DMD: variants seen among roughly 807,000 people sequenced by gnomAD.
DMD encodes mutant dystrophin.
In DMD, 63 loss-of-function variants were observed where a neutral mutation model predicts 330.1. The observed-to-expected ratio is 0.19, with a 90% CI of 0.16 to 0.24. The LOEUF (loss-of-function observed/expected upper bound fraction) is 0.24, where lower values mean the gene tolerates loss of function less well. Among genes scored for constraint, DMD ranks in the 10% least tolerant of loss-of-function variants. DMD has a pLI of 1.00. For missense variants in DMD, 3,344 were observed against 2,684.1 expected, an observed-to-expected ratio of 1.25 and a Z score of -5.43; for synonymous variants, 1,223 against 959.8, an observed-to-expected ratio of 1.27 and a Z score of -5.07.
intron 60 of DMD, among the ~76,000 whole-genome samples, chrX:31,429,316 G>T (rs1166167416): frequency 1.8e-5 from 2 of 111,424 alleles, no homozygotes; most frequent in African/African-American, 6.5e-5. Flanking sequence ...TCTTGCTTGG[G>T]TTCTTTCATG....
chrX:32,131,532 G>T (rs1268891989), intron 44 of DMD, among the ~76,000 whole-genome samples: 2 of 112,139 alleles, frequency 1.8e-5, no homozygotes, highest in African/African-American at 6.5e-5. Context: ...GACACATTGT[G>T]ATGGAGCTAG....
chrX:32,304,564 A>G (rs147914520), intron 42 of DMD, among the ~76,000 whole-genome samples: 1,242 of 111,327 alleles, frequency 0.011, 15 homozygotes, highest in African/African-American at 0.037. Flanking sequence ...TCTCTTCTCT[A>G]TAGTACAAAT....
intron 1 of DMD, among the ~76,000 whole-genome samples, chrX:33,330,223 T>A (rs768105754): frequency 7.6e-4 from 85 of 111,314 alleles, no homozygotes; most frequent in African/African-American, 2.7e-3. Context: ...TCAGAAAATA[T>A]CTTGTTTACC....
intron 18 of DMD, among the ~76,000 whole-genome samples, chrX:32,505,568 G>A (rs965776431): frequency 3.6e-5 from 4 of 112,106 alleles, no homozygotes; most frequent in African/African-American, 1.3e-4. Context: ...TGGTGGCAAT[G>A]CAAAATGGCA....
intron 50 of DMD, among the ~76,000 whole-genome samples, chrX:31,793,435 T>A (rs1432569752): frequency 9.0e-6 from 1 of 111,378 alleles, no homozygotes; most frequent in Non-Finnish European, 1.9e-5. Flanking sequence ...TGGGATTATT[T>A]CCTGATAAAC....
chrX:32,409,896 G>T (rs775868267), intron 30 of DMD, among the ~76,000 whole-genome samples: 3 of 111,283 alleles, frequency 2.7e-5, no homozygotes, highest in East Asian at 2.8e-4. Context: ...AAACCCTGCC[G>T]TGGTAGACAC....
chrX:33,094,571 C>T (rs1049091036), intron 1 of DMD, among the ~76,000 whole-genome samples: 18 of 111,411 alleles, frequency 1.6e-4, no homozygotes, highest in African/African-American at 5.5e-4. Flanking sequence ...CTTTGGGAGT[C>T]CATGGCAGGT....
rs138576901 is a variant in DMD, at chrX:32,869,854, G to A, written c.94-20034C>T. Among the ~76,000 whole-genome samples the A allele has an allele frequency of 7.8e-3, 845 of 107,851 alleles. 8 individuals are homozygous for A. The highest frequency in any genetic ancestry group is 0.028 in the African/African-American group (818 of 29,440). The allele number at this position is 107,851 out of a possible 115,157, so 93.7% of individuals were successfully genotyped here. On this transcript the variant is annotated intron_variant, in intron 2 of 78. Transcript: ENST00000357033. ...CCTACAGCCAATATCATACTAGATG[G>A]GCAAAAACTGGCTGTAGGTTTTGGT...
intron 9 of DMD, among the ~76,000 whole-genome samples, chrX:32,651,184 C>G (rs1330493321): frequency 9.1e-6 from 1 of 110,082 alleles, no homozygotes; most frequent in Non-Finnish European, 1.9e-5. Context: ...CTCTTCCTGC[C>G]CAGGCTGGAG....
chrX:32,772,079 G>A (rs910032113), intron 7 of DMD, among the ~76,000 whole-genome samples: 9 of 112,376 alleles, frequency 8.0e-5, no homozygotes, highest in African/African-American at 2.9e-4. Context: ...ATGCCTAACT[G>A]ATGAGGGCAT....
intron 44 of DMD, among the ~76,000 whole-genome samples, chrX:32,192,752 T>C (rs1022523987): frequency 8.9e-6 from 1 of 111,974 alleles, no homozygotes; most frequent in Non-Finnish European, 1.9e-5. Flanking sequence ...GCTTCTTTCA[T>C]ATTAATCAAC....
At chrX:32,979,219 C>G (rs2092637222) in intron 2 of DMD, among the ~76,000 whole-genome samples, 1 of 112,275 alleles carries the variant, frequency 8.9e-6, no homozygotes, top group Admixed American at 9.5e-5. Flanking sequence ...AAGAAACTCT[C>G]TTTGAACCTG....
intron 1 of DMD, among the ~76,000 whole-genome samples, chrX:33,144,519 G>T (rs1350232949): frequency 2.7e-5 from 3 of 111,734 alleles, no homozygotes; most frequent in Non-Finnish European, 5.7e-5. Flanking sequence ...TTGTATGCCT[G>T]TATCAAAATA....
intron 26 of DMD, among the ~76,000 whole-genome samples, chrX:32,454,040 T>C (rs2098344531): frequency 9.0e-6 from 1 of 110,674 alleles, no homozygotes; most frequent in African/African-American, 3.3e-5. Flanking sequence ...ATATTGACTA[T>C]TATATTGTTG....
chrX:32,220,136 T>C (rs1031789361), intron 43 of DMD, among the ~76,000 whole-genome samples: 1 of 111,263 alleles, frequency 9.0e-6, no homozygotes, highest in African/African-American at 3.3e-5. Flanking sequence ...GGATGGACTT[T>C]CTGCCCGACC....
At chrX:32,167,793 A>T (rs1485852792) in intron 44 of DMD, among the ~76,000 whole-genome samples, 2 of 111,441 alleles carry the variant, frequency 1.8e-5, no homozygotes, top group African/African-American at 6.5e-5. Context: ...CCTTCCTCCC[A>T]TTACCTTCTA....
intron 1 of DMD, among the ~76,000 whole-genome samples, chrX:33,066,623 TAAG>T (rs1312002260): frequency 1.8e-5 from 2 of 109,818 alleles, no homozygotes; most frequent in Admixed American, 9.8e-5. Context: ...CCTCAGGACA[TAAG>T]AAGCACACTA....
chrX:31,844,732 G>C (rs1292036501), intron 48 of DMD, among the ~76,000 whole-genome samples: 1 of 111,446 alleles, frequency 9.0e-6, no homozygotes, highest in Non-Finnish European at 1.9e-5. Flanking sequence ...GCCCTGTAGA[G>C]ATCTTTCACT....
chrX:32,157,876 C>A (rs1487018274), intron 44 of DMD, among the ~76,000 whole-genome samples: 1 of 111,782 alleles, frequency 8.9e-6, no homozygotes, highest in East Asian at 2.8e-4. Context: ...AGGATCAAAG[C>A]ACGGCATCTA....
Sources: gnomAD v4.1 joint callset for allele counts (sites outside exome capture counted in the v4.1 genomes callset) on GRCh38, gnomAD v4.1.1 for gene constraint, MANE v1.5 for transcripts, NCBI Gene and HGNC (gene_info 2026-07-23, HGNC 2026-07-21) for gene names.